Variants in PTPN4 observed in about 807,000 individuals in gnomAD.
PTPN4 encodes the protein tyrosine-protein phosphatase non-receptor type 4.
PTPN4 carries 49 observed loss-of-function variants against 135.5 expected under a neutral mutation model. The observed-to-expected ratio is 0.36, with a 90% CI of 0.29 to 0.46. PTPN4 has a LOEUF of 0.46. Among genes scored for constraint, PTPN4 ranks in the 20% least tolerant of loss-of-function variants. The probability of loss-of-function intolerance (pLI) is 1.00; values close to 1 mark genes in which losing one functional copy is unlikely to be tolerated. For synonymous variants in PTPN4, 333 were observed against 369.9 expected (o/e 0.90, Z 1.14); for missense variants, 860 against 1,101.0 (o/e 0.78, Z 3.10).
chr2:119,946,387 A>C lies in PTPN4; in HGVS notation c.1562A>C (p.Lys521Thr). 1 of 1,611,984 alleles carries C rather than the reference A, an allele frequency of 6.2e-7. No homozygotes were observed. Among genetic ancestry groups the C allele is most frequent in the Non-Finnish European group, 8.5e-7 (1 of 1,178,818 alleles). The change falls in exon 17 of 27, where the codon AAA (lysine) becomes ACA (threonine). Residue 521 changes from lysine to threonine, a missense_variant. Lys to Thr is a moderately conservative substitution (Grantham distance 78, BLOSUM62 -1). Around this residue, in one of 2 missense-constraint regions of PTPN4, gnomAD observed 684 missense variants for 807.0 expected, o/e 0.85. Transcript: ENST00000263708. ...PHDNLVLIRM[K>T]PDENGRFGFN... is the part of the protein sequence containing the mutation. ...GATAATCTTGTCCTAATCAGAATGAAACCTGATGAAAATGGGAGGTTTGGA... is the reference window on the plus strand; with the variant it reads ...GATAATCTTGTCCTAATCAGAATGACACCTGATGAAAATGGGAGGTTTGGA...
rs897942012 is a variant in PTPN4 at position 119,788,668 on chromosome 2, A to G, written c.-17-21169A>G. ...ACTAGGTTCCTCATATAATGGAATT[A>G]TATATAATATTTGTCATTTTGTTGA... On this transcript the variant is annotated intron_variant, in intron 1 of 26. Transcript: ENST00000263708. 4.6e-5 allele frequency among the ~76,000 whole-genome samples: 7 copies of G among 152,200 alleles called. No homozygotes were observed. In the East Asian group the frequency reaches 1.2e-3, roughly 25 times the overall value.
intron 10 of PTPN4, among the ~76,000 whole-genome samples, chr2:119,913,098 G>A (rs1191747647): frequency 6.6e-6 from 1 of 151,916 alleles, no homozygotes; most frequent in Non-Finnish European, 1.5e-5. Context: ...TCCATTTTAT[G>A]GTTATACCAC....
chr2:119,838,000 C>T (rs1339421802), intron 2 of PTPN4, among the ~76,000 whole-genome samples: 1 of 152,242 alleles, frequency 6.6e-6, no homozygotes, highest in Non-Finnish European at 1.5e-5. Flanking sequence ...GTGTGGAATC[C>T]AGGCCGGTAG....
chr2:119,819,071 C>T (rs1191708605), intron 2 of PTPN4, among the ~76,000 whole-genome samples: 1 of 152,134 alleles, frequency 6.6e-6, no homozygotes, highest in East Asian at 1.9e-4. Flanking sequence ...GTTCTAATAA[C>T]CTATCCCCAA....
intron 9 of PTPN4, among the ~76,000 whole-genome samples, chr2:119,889,052 C>T (rs963087531): frequency 3.7e-4 from 56 of 152,062 alleles, no homozygotes; most frequent in African/African-American, 1.3e-3. Context: ...TTGATTCAGT[C>T]GTGGTAGGTT....
At chr2:119,769,065 C>T (rs145399709) in intron 1 of PTPN4, among the ~76,000 whole-genome samples, 1 of 152,246 alleles carries the variant, frequency 6.6e-6, no homozygotes, top group Non-Finnish European at 1.5e-5. Context: ...GTGGGACTGT[C>T]ACTGCTTATG....
intron 3 of PTPN4, among the ~76,000 whole-genome samples, chr2:119,865,275 A>G (rs1677816177): frequency 6.6e-6 from 1 of 152,116 alleles, no homozygotes; most frequent in Admixed American, 6.6e-5. Context: ...CTGAAGGAAA[A>G]AGATGCTATG....
intron 26 of PTPN4, among the ~76,000 whole-genome samples, chr2:119,974,849 T>C (rs1009516947): frequency 6.6e-6 from 1 of 152,202 alleles, no homozygotes; most frequent in African/African-American, 2.4e-5. Context: ...ATGCTTCCAA[T>C]ACAAATTCAG....
chr2:119,885,269 G>GT (rs1019501778), intron 8 of PTPN4, among the ~76,000 whole-genome samples: 4 of 152,154 alleles, frequency 2.6e-5, no homozygotes, highest in African/African-American at 7.2e-5. Context: ...TCATTTGTTT[G>GT]TTTTTTTGTT....
intron 2 of PTPN4, among the ~76,000 whole-genome samples, chr2:119,814,019 T>G (rs1205448353): frequency 6.6e-6 from 1 of 152,152 alleles, no homozygotes; most frequent in Admixed American, 6.5e-5. Flanking sequence ...TAAAAAAAAA[T>G]GTATATGTGT....
chr2:119,796,703 C>T (rs990602370), intron 1 of PTPN4, among the ~76,000 whole-genome samples: 4 of 152,116 alleles, frequency 2.6e-5, no homozygotes, highest in Non-Finnish European at 4.4e-5. Flanking sequence ...TACCTAGGAA[C>T]GCAATGGACA....
chr2:119,867,028 C>T (rs1007052058), intron 3 of PTPN4, among the ~76,000 whole-genome samples: 11 of 152,040 alleles, frequency 7.2e-5, no homozygotes, highest in Non-Finnish European at 1.3e-4. Flanking sequence ...GAAGCAGGAG[C>T]ATATGCAGAG....
At chr2:119,975,740 T>C (rs1350916146) in intron 26 of PTPN4, among the ~76,000 whole-genome samples, 1 of 151,920 alleles carries the variant, frequency 6.6e-6, no homozygotes, top group East Asian at 1.9e-4. Context: ...AAATGTCCCT[T>C]CAAATAGCTC....
At chr2:119,923,959 A>G (rs1008881073) in intron 12 of PTPN4, among the ~76,000 whole-genome samples, 1 of 152,018 alleles carries the variant, frequency 6.6e-6, no homozygotes, top group Non-Finnish European at 1.5e-5. Flanking sequence ...AATGCGGTGA[A>G]ACCCTGTCTC....
At chr2:119,783,622 C>T (rs917910051) in intron 1 of PTPN4, among the ~76,000 whole-genome samples, 20 of 152,180 alleles carry the variant, frequency 1.3e-4, no homozygotes, top group African/African-American at 4.8e-4. Context: ...TGGTGGAAAT[C>T]TTTGAGATTA....
intron 10 of PTPN4, among the ~76,000 whole-genome samples, chr2:119,909,389 A>T (rs570616571): frequency 1.3e-5 from 2 of 152,272 alleles, no homozygotes; most frequent in South Asian, 4.1e-4. Context: ...ATGACCACAC[A>T]TCTGTTTACA....
At chr2:119,863,642 C>T (rs1009060514) in intron 3 of PTPN4, among the ~76,000 whole-genome samples, 3 of 152,080 alleles carry the variant, frequency 2.0e-5, no homozygotes, top group South Asian at 2.1e-4. Context: ...ATATATCAAA[C>T]GTTAAATACT....
chr2:119,876,331 G>A (rs1163075815), intron 3 of PTPN4, among the ~76,000 whole-genome samples: 5 of 152,138 alleles, frequency 3.3e-5, no homozygotes, highest in South Asian at 2.1e-4. Flanking sequence ...ATTAAGAGGC[G>A]ATAGAGCTTA....
Position 119,813,311 on chromosome 2 carries a change from G to A in PTPN4, c.138+3320G>A, listed in dbSNP as rs564539195. ...TGCCCAGGCTGGAGTACAATGGCAC[G>A]ATCTCGGCTCACCGCAACCTCCGTC... On this transcript the variant is annotated intron_variant, in intron 2 of 26. Transcript: ENST00000263708. 8.6e-5 allele frequency among the ~76,000 whole-genome samples: 13 copies of A among 151,432 alleles called. No homozygotes were observed. The South Asian group carries it at 2.7e-3, about 32-fold the overall frequency.
Sources: allele counts gnomAD v4.1 joint callset (sites outside exome capture counted in the v4.1 genomes callset), GRCh38; gene constraint gnomAD v4.1.1; regional missense constraint gnomAD v4.1.1; transcripts MANE v1.5; gene names NCBI Gene and HGNC (gene_info 2026-07-23, HGNC 2026-07-21).